The following KCNB2 variants were observed in gnomAD, a reference collection of about 807,000 sequenced individuals.
KCNB2 encodes the protein delayed rectifier potassium channel protein.
A neutral mutation model predicts 61.5 loss-of-function variants in KCNB2; 15 were observed. The observed-to-expected ratio is 0.24, with a 90% CI of 0.16 to 0.38. The LOEUF (loss-of-function observed/expected upper bound fraction) is 0.38. Among genes scored for constraint, KCNB2 ranks in the 10% least tolerant of loss-of-function variants. KCNB2 has a pLI of 1.00. For missense variants in KCNB2, 828 were observed against 1,125.2 expected, an observed-to-expected ratio of 0.74 and a Z score of 3.78; for synonymous variants, 457 against 446.0, an observed-to-expected ratio of 1.02 and a Z score of -0.31.
At chr8:72,850,995 G>A (rs1338469182) in intron 2 of KCNB2, among the ~76,000 whole-genome samples, 1 of 152,174 alleles carries the variant, frequency 6.6e-6, no homozygotes, top group South Asian at 2.1e-4. Flanking sequence ...ACTCTCCACT[G>A]TGATTGGCAT....
chr8:72,625,198 A>T (rs1345233000), intron 2 of KCNB2, among the ~76,000 whole-genome samples: 1 of 152,154 alleles, frequency 6.6e-6, no homozygotes, highest in Non-Finnish European at 1.5e-5. Flanking sequence ...GTAATTTGTT[A>T]TATAGAAACA....
intron 2 of KCNB2, among the ~76,000 whole-genome samples, chr8:72,589,915 G>C (rs1297069337): frequency 6.6e-6 from 1 of 152,134 alleles, no homozygotes; most frequent in Non-Finnish European, 1.5e-5. Context: ...TTACATTCTG[G>C]AAATACAGAT....
chr8:72,882,877 T>C (rs1805740635), intron 2 of KCNB2, among the ~76,000 whole-genome samples: 1 of 152,236 alleles, frequency 6.6e-6, no homozygotes, highest in African/African-American at 2.4e-5. Flanking sequence ...TTCAAATTTC[T>C]GGCTCCCTCT....
intron 2 of KCNB2, among the ~76,000 whole-genome samples, chr8:72,737,288 G>A (rs1807863708): frequency 6.6e-6 from 1 of 152,150 alleles, no homozygotes; most frequent in African/African-American, 2.4e-5. Flanking sequence ...ACCATTAGTT[G>A]TGATTGATCA....
chr8:72,604,241 T>G (rs550571243), intron 2 of KCNB2, among the ~76,000 whole-genome samples: 24 of 152,322 alleles, frequency 1.6e-4, no homozygotes, highest in African/African-American at 5.5e-4. Context: ...CAGTAACTAC[T>G]TAGAACACAA....
chr8:72,649,859 G>A (rs987092692), intron 2 of KCNB2, among the ~76,000 whole-genome samples: 1 of 152,102 alleles, frequency 6.6e-6, no homozygotes, highest in African/African-American at 2.4e-5. Flanking sequence ...GACTCCAACA[G>A]GTGAAACCTT....
intron 2 of KCNB2, among the ~76,000 whole-genome samples, chr8:72,725,800 A>T (rs1299755422): frequency 1.3e-5 from 2 of 151,558 alleles, no homozygotes; most frequent in African/African-American, 4.9e-5. Flanking sequence ...ACACATAGTA[A>T]GCCCTTAGTA....
chr8:72,813,097 C>G (rs932814873), intron 2 of KCNB2, among the ~76,000 whole-genome samples: 3 of 152,096 alleles, frequency 2.0e-5, no homozygotes, highest in Non-Finnish European at 4.4e-5. Context: ...AACTCACCAT[C>G]TAATGGAAAC....
intron 2 of KCNB2, among the ~76,000 whole-genome samples, chr8:72,600,617 G>A (rs1307966691): frequency 2.7e-5 from 4 of 150,634 alleles, no homozygotes; most frequent in Admixed American, 2.0e-4. Context: ...AAAAAAAAAA[G>A]AAAATGTGGT....
chr8:72,552,640 T>A (rs1275032783), intron 1 of KCNB2, among the ~76,000 whole-genome samples: 1 of 152,190 alleles, frequency 6.6e-6, no homozygotes, highest in African/African-American at 2.4e-5. Context: ...ATGTAAGCAA[T>A]CTTTGGTGCC....
chr8:72,591,279 G>C (rs557923322), intron 2 of KCNB2, among the ~76,000 whole-genome samples: 1 of 152,194 alleles, frequency 6.6e-6, no homozygotes, highest in East Asian at 1.9e-4. Context: ...ACTCAAATAA[G>C]CACAGATTTC....
At chr8:72,569,637 A>C (rs1350005766) in intron 2 of KCNB2, among the ~76,000 whole-genome samples, 1 of 152,038 alleles carries the variant, frequency 6.6e-6, no homozygotes. Context: ...TACTTGTAAA[A>C]AAAAAATGTG....
chr8:72,681,998 A>C (rs1806765136), intron 2 of KCNB2, among the ~76,000 whole-genome samples: 1 of 151,678 alleles, frequency 6.6e-6, no homozygotes, highest in Non-Finnish European at 1.5e-5. Context: ...CAAGTCTTTG[A>C]CTTTGCTCAA....
rs1055463693 is a variant in KCNB2, at chr8:72,554,254, C to T, written c.-93-13388C>T. On this transcript the variant is annotated intron_variant, in intron 1 of 2. Transcript: ENST00000523207. ...CTTTACCCAATTTTGCATCATCTCC[C>T]ATGCTCGATATATAGTGACAGTCAA... is the stretch of plus-strand genomic sequence containing the variant. Among the ~76,000 whole-genome samples the T allele has an allele frequency of 4.6e-5, 7 of 152,182 alleles. No individual in the cohort carries two copies. In the East Asian group the frequency reaches 1.4e-3, roughly 29 times the overall value.
Position 72,724,813 on chromosome 8 carries a change from G to A in KCNB2, c.579+156500G>A, listed in dbSNP as rs1331884342. Reference sequence around the variant, plus strand: ...ATTTCCTGAGATAATGTAAATGGACGGATCTAGCATAATACCTAACACACA... The same window carrying A: ...ATTTCCTGAGATAATGTAAATGGACAGATCTAGCATAATACCTAACACACA... On this transcript the variant is annotated intron_variant, in intron 2 of 2. Transcript: ENST00000523207. Among the ~76,000 whole-genome samples the A allele has an allele frequency of 3.3e-5, 5 of 152,180 alleles. No homozygotes were observed. In the Middle Eastern group the frequency reaches 0.01, roughly 311 times the overall value.
intron 2 of KCNB2, among the ~76,000 whole-genome samples, chr8:72,808,788 A>T (rs1809262656): frequency 6.6e-6 from 1 of 152,118 alleles, no homozygotes; most frequent in South Asian, 2.1e-4. Context: ...GTTCAGGGTC[A>T]TGTCCTAAGG....
rs544468837 is a variant in KCNB2 at position 72,938,296 on chromosome 8, A to G, written c.*205A>G. On this transcript the variant is annotated 3_prime_UTR_variant, in exon 3 of 3. Coordinates refer to ENST00000523207, the MANE Select transcript of KCNB2 (RefSeq NM_004770.3). ...CAAGACTGCATTTTGTAACAAACCA[A>G]CAAAAATGACTGAAGAACAGTGAAC... 4 of 510,886 alleles carry G rather than the reference A, an allele frequency of 7.8e-6. No individual in the cohort carries two copies. Among genetic ancestry groups the G allele is most frequent in the Non-Finnish European group, 1.4e-5 (4 of 291,186 alleles). The allele number at this position is 510,886 out of a possible 1,614,324, so 31.6% of individuals were successfully genotyped here.
chr8:72,733,390 C>G (rs1807783600), intron 2 of KCNB2, among the ~76,000 whole-genome samples: 1 of 152,122 alleles, frequency 6.6e-6, no homozygotes, highest in Admixed American at 6.6e-5. Context: ...CCAGGACATG[C>G]AATGAGTCTT....
intron 2 of KCNB2, among the ~76,000 whole-genome samples, chr8:72,755,885 T>C (rs954887507): frequency 6.6e-6 from 1 of 151,994 alleles, no homozygotes; most frequent in Non-Finnish European, 1.5e-5. Context: ...GCAGGACGGG[T>C]ATAGGAACCG....
Sources: gnomAD v4.1 joint callset for allele counts (sites outside exome capture counted in the v4.1 genomes callset) on GRCh38, gnomAD v4.1.1 for gene constraint, MANE v1.5 for transcripts, NCBI Gene and HGNC (gene_info 2026-07-23, HGNC 2026-07-21) for gene names.